The following ATP2B2 variants were observed in gnomAD, a reference collection of about 807,000 sequenced individuals.
ATP2B2 encodes the protein plasma membrane calcium-transporting ATPase 2.
A neutral mutation model predicts 120.0 loss-of-function variants in ATP2B2; 15 were observed. The observed-to-expected ratio is 0.12, with a 90% CI of 0.08 to 0.19. The LOEUF is 0.19. Among genes scored for constraint, ATP2B2 ranks in the 10% least tolerant of loss-of-function variants. The pLI, the probability that ATP2B2 is intolerant of heterozygous loss-of-function variation, is 1.00. For synonymous variants in ATP2B2, 694 were observed against 700.3 expected, an observed-to-expected ratio of 0.99 and a Z score of 0.14; for missense variants, 1,045 against 1,719.8, an observed-to-expected ratio of 0.61 and a Z score of 6.94.
chr3:10,659,314 G>A, intron 1 of ATP2B2, among the ~76,000 whole-genome samples: 1 of 152,170 alleles, frequency 6.6e-6, no homozygotes. Flanking sequence ...TGGATAAAGA[G>A]TCAAGACCCA....
rs527624651 is a variant in ATP2B2 at position 10,603,042 on chromosome 3, C to T, written c.-415+16875G>A. ...AGCCCTATTTAAGGCCATCCTTCCA[C>T]TGGCCAAGAGGCAGAAACCTGAACT... On this transcript the variant is annotated intron_variant, in intron 2 of 21. Coordinates refer to the ATP2B2 transcript ENST00000646379. Among the ~76,000 whole-genome samples the T allele has an allele frequency of 2.3e-4, 35 of 152,366 alleles. 1 individual carries two copies. The Middle Eastern group carries it at 0.014, about 59-fold the overall frequency.
In ATP2B2 at chr3:10,480,614, G is replaced by A. The variant is rs565940043; in HGVS notation, c.-320+24851C>T. 5.3e-5 allele frequency among the ~76,000 whole-genome samples: 8 copies of A among 152,306 alleles called. No homozygotes were observed. In the South Asian group the frequency reaches 1.7e-3, roughly 32 times the overall value. ...TCCTTCAGGCCCAAGACCCTGTCAA[G>A]CTTTTGTCAGCACCCGCAGCCCCAG... On this transcript the variant is annotated intron_variant, in intron 1 of 22. Transcript: ENST00000360273.
intron 8 of ATP2B2, among the ~76,000 whole-genome samples, chr3:10,384,394 T>C (rs966463373): frequency 2.0e-5 from 3 of 152,162 alleles, no homozygotes. Context: ...CTCTCAACAG[T>C]TCAGGAGTAG....
chr3:10,676,440 C>A (rs569518220), intron 1 of ATP2B2, among the ~76,000 whole-genome samples: 1 of 152,176 alleles, frequency 6.6e-6, no homozygotes, highest in East Asian at 1.9e-4. Context: ...CACAGAACTA[C>A]CATCATCCTG....
At chr3:10,557,374 C>A (rs763769547) in intron 2 of ATP2B2, among the ~76,000 whole-genome samples, 20 of 152,246 alleles carry the variant, frequency 1.3e-4, no homozygotes, top group Non-Finnish European at 2.6e-4. Context: ...GGTCTCTCAC[C>A]GCCTTTGCGG....
chr3:10,498,873 C>T (rs1267395054), intron 1 of ATP2B2, among the ~76,000 whole-genome samples: 4 of 152,202 alleles, frequency 2.6e-5, no homozygotes, highest in Non-Finnish European at 5.9e-5. Flanking sequence ...AGGATGTGCC[C>T]CTTCTGGGGA....
chr3:10,660,575 A>G (rs1378258064), intron 1 of ATP2B2, among the ~76,000 whole-genome samples: 4 of 152,212 alleles, frequency 2.6e-5, no homozygotes, highest in East Asian at 1.9e-4. Flanking sequence ...GAATAGACCA[A>G]TAACAGGCTC....
Position 10,326,644 on chromosome 3 carries a change from A to C in ATP2B2, c.*2170T>G. ...GTGGCGTTTGTACTGGAATCCAATA[A>C]GCACATCTGAGGGCTGGTCACCCCT... On this transcript the variant is annotated 3_prime_UTR_variant, in exon 23 of 23. Transcript: ENST00000360273. 1 of 398,942 alleles carries C rather than the reference A, an allele frequency of 2.5e-6. No homozygotes were observed. Among genetic ancestry groups the C allele is most frequent in the Non-Finnish European group, 4.4e-6 (1 of 226,086 alleles). 24.7% of individuals were successfully genotyped at this position (398,942 alleles called of 1,614,324 possible).
In ATP2B2 at chr3:10,379,222, C is replaced by T. The variant is rs190889949; in HGVS notation, c.1042+21G>A. ...GAGGGGCCTCAGGGACGACAAACGC[C>T]GGTTAAAACAAAAGGGTTACCTTTG... is the stretch of plus-strand genomic sequence containing the variant. On this transcript the variant is annotated intron_variant, in intron 9 of 22. Coordinates refer to ENST00000360273, the MANE Select transcript of ATP2B2 (RefSeq NM_001001331.4). 189 of 1,613,144 alleles carry T rather than the reference C, an allele frequency of 1.2e-4. No homozygotes were observed. In the East Asian group the frequency reaches 1.2e-3, roughly 10 times the overall value.
At chr3:10,498,537 GCAGGTGTTTGA>G (rs2066249549) in intron 1 of ATP2B2, among the ~76,000 whole-genome samples, 1 of 152,244 alleles carries the variant, frequency 6.6e-6, no homozygotes, top group Non-Finnish European at 1.5e-5. Context: ...GGCCTGCAAG[GCAGGTGTTTGA>G]CAGAGCTGGG....
At chr3:10,440,086 A>G (rs914502293) in intron 2 of ATP2B2, among the ~76,000 whole-genome samples, 3 of 126,446 alleles carry the variant, frequency 2.4e-5, no homozygotes, top group Non-Finnish European at 3.2e-5. Flanking sequence ...TGGGCAACAG[A>G]GTGAGACTCT....
chr3:10,654,170 T>C (rs934762105), intron 1 of ATP2B2, among the ~76,000 whole-genome samples: 19 of 152,154 alleles, frequency 1.2e-4, no homozygotes, highest in African/African-American at 4.3e-4. Flanking sequence ...GATAAGATAC[T>C]TGCCCAAGGT....
chr3:10,682,051 T>C (rs1232488741), intron 1 of ATP2B2, among the ~76,000 whole-genome samples: 2 of 152,098 alleles, frequency 1.3e-5, no homozygotes, highest in Admixed American at 1.3e-4. Context: ...GAGGGATGAG[T>C]AGGAGTTCAC....
intron 2 of ATP2B2, among the ~76,000 whole-genome samples, chr3:10,568,646 G>A (rs1031569332): frequency 6.6e-6 from 1 of 152,158 alleles, no homozygotes; most frequent in South Asian, 2.1e-4. Flanking sequence ...AGGAAACCAC[G>A]GCCTCCTGTT....
intron 2 of ATP2B2, among the ~76,000 whole-genome samples, chr3:10,548,719 C>T (rs941347773): frequency 6.6e-6 from 1 of 152,232 alleles, no homozygotes; most frequent in Non-Finnish European, 1.5e-5. Context: ...AAATAAACTA[C>T]TTGCACTTGA....
intron 1 of ATP2B2, among the ~76,000 whole-genome samples, chr3:10,698,562 G>A (rs2071773317): frequency 6.6e-6 from 1 of 152,170 alleles, no homozygotes; most frequent in Non-Finnish European, 1.5e-5. Context: ...CATCCCTCCT[G>A]GACCCTGACC....
intron 1 of ATP2B2, among the ~76,000 whole-genome samples, chr3:10,687,581 C>G (rs1290958260): frequency 6.6e-6 from 1 of 152,078 alleles, no homozygotes; most frequent in African/African-American, 2.4e-5. Context: ...GCCATTGGAC[C>G]CAGATGAGGT....
At chr3:10,353,387 T>C (rs1198873844) in intron 14 of ATP2B2, among the ~76,000 whole-genome samples, 1 of 152,184 alleles carries the variant, frequency 6.6e-6, no homozygotes, top group Non-Finnish European at 1.5e-5. Flanking sequence ...TTCCTGGCAT[T>C]GTGCCAGGGC....
intron 3 of ATP2B2, among the ~76,000 whole-genome samples, chr3:10,525,477 G>A (rs2067073441): frequency 1.3e-5 from 2 of 152,182 alleles, no homozygotes; most frequent in South Asian, 4.1e-4. Flanking sequence ...CTATTAGAAT[G>A]ATACCTTTCT....
Sources: allele counts gnomAD v4.1 joint callset (sites outside exome capture counted in the v4.1 genomes callset), GRCh38; gene constraint gnomAD v4.1.1; transcripts MANE v1.5; gene names NCBI Gene and HGNC (gene_info 2026-07-23, HGNC 2026-07-21).